Variants in JAK3 observed in about 807,000 individuals in gnomAD.
The protein encoded by JAK3 is Janus kinase 3.
A neutral mutation model predicts 120.8 loss-of-function variants in JAK3; 88 were observed. The observed-to-expected ratio is 0.73, with a 90% CI of 0.61 to 0.87. The LOEUF (loss-of-function observed/expected upper bound fraction) is 0.87, where lower values mean the gene tolerates loss of function less well. Ranked by LOEUF, JAK3 falls within the 40% of genes least tolerant of loss-of-function variation. JAK3 has a pLI of 0.00. For missense variants in JAK3, 1,254 were observed against 1,501.4 expected (o/e 0.84, Z 2.72); for synonymous variants, 592 against 628.6 (o/e 0.94, Z 0.87).
chr19:17,847,637 C>T (rs117462032), intron 1 of JAK3, among the ~76,000 whole-genome samples: 2,731 of 152,186 alleles, frequency 0.018, 35 homozygotes, highest in Non-Finnish European at 0.027. Flanking sequence ...GGGAACTCCG[C>T]CCCCCAATCC....
chr19:17,831,113 A>G lies in JAK3; in HGVS notation c.2978+115T>C, dbSNP rs868787405. ...GTGGGAGGGGCCAAAGCTGCAGCGG[A>G]GGAAGGGCGGGGCTAAGGCTGGGGA... On this transcript the variant is annotated intron_variant, in intron 21 of 23. Coordinates refer to ENST00000458235, the MANE Select transcript of JAK3 (RefSeq NM_000215.4). The surrounding 1 kb of genome is among the most constrained non-coding windows in gnomAD (Gnocchi z 5.1). 1.4e-4 allele frequency: 143 copies of G among 1,053,472 alleles called. 1 individual carries two copies. In the Middle Eastern group the frequency reaches 2.8e-3, roughly 21 times the overall value. The allele number at this position is 1,053,472 out of a possible 1,614,324, so 65.3% of individuals were successfully genotyped here. A position where few individuals can be genotyped will look rare whatever the true frequency, so the allele number is the denominator to read the frequency against.
chr19:17,832,703 G>A lies in JAK3; in HGVS notation c.2496C>T (p.Asn832=). ...LKYISQLGKG[N]FGSVELCRYD... is the part of the protein sequence containing the mutation. ...AGCGGCACAGCTCCACGCTGCCAAA[G>A]TTGCCCTGGGGGATAGCGGGACTGA... The change falls in exon 19 of 24, where the codon AAC becomes AAT. Residue 832 remains asparagine (N), a synonymous_variant. Coordinates refer to ENST00000458235, the MANE Select transcript of JAK3 (RefSeq NM_000215.4). The surrounding 1 kb of genome is among the most constrained non-coding windows in gnomAD (Gnocchi z 4.7). The A allele has an allele frequency of 6.2e-7, 1 of 1,614,236 alleles. No homozygotes were observed. The highest frequency in any genetic ancestry group is 8.5e-7 in the Non-Finnish European group (1 of 1,180,048).
intron 1 of JAK3, among the ~76,000 whole-genome samples, chr19:17,845,204 G>A (rs1028684714): frequency 6.6e-6 from 1 of 152,116 alleles, no homozygotes. Context: ...GTCTCGCGCT[G>A]TCACCCAGGC....
chr19:17,833,384 C>A (rs1044242289), intron 17 of JAK3, among the ~76,000 whole-genome samples: 6 of 152,056 alleles, frequency 3.9e-5, no homozygotes, highest in African/African-American at 1.2e-4. Flanking sequence ...TGAGAGGTTC[C>A]TGTGGGCCTG....
chr19:17,828,337 C>A (rs2094208026), intron 23 of JAK3, among the ~76,000 whole-genome samples: 1 of 152,082 alleles, frequency 6.6e-6, no homozygotes, highest in Non-Finnish European at 1.5e-5. Flanking sequence ...CTCACTGCAG[C>A]CTTAACCTCC....
chr19:17,842,410 A>G lies in JAK3; in HGVS notation c.767T>C (p.Val256Ala). The G allele has an allele frequency of 6.3e-7, 1 of 1,586,184 alleles. No homozygotes were observed. The highest frequency in any genetic ancestry group is 8.6e-7 in the Non-Finnish European group (1 of 1,169,186). Residue 256 changes from valine (V) to alanine (A), a missense_variant, in exon 6 of 24, where the codon GTG (valine) becomes GCG (alanine). Coordinates refer to ENST00000458235, the MANE Select transcript of JAK3 (RefSeq NM_000215.4). The surrounding 1 kb of genome is among the most constrained non-coding windows in gnomAD (Gnocchi z 6.4). ...DPAGAAETFH[V>A]GLPGALGGHD... ...GCCACCAAGGGCCCCAGGGAGGCCC[A>G]CGTGGAAGGTCTCGGCGGCCCCGGC...
rs2094247544 is a variant in JAK3 at position 17,844,443 on chromosome 19, G to A, written c.-13-13C>T. On this transcript the variant is annotated splice_polypyrimidine_tract_variant and intron_variant, in intron 1 of 23. Transcript: ENST00000458235. ...GAGTGCAACTTGCCTGGGGCACAGA[G>A]AGAAAAAGCCCCTCAGTCCTGGTCA... 1.3e-6 allele frequency: 2 copies of A among 1,595,870 alleles called. No homozygotes were observed. The highest frequency in any genetic ancestry group is 1.3e-5 in the African/African-American group (1 of 74,598).
In JAK3 at chr19:17,839,738, C is replaced by CTCTTTTT. The variant is rs538322656; in HGVS notation, c.1255-76_1255-75insAAAAAGA. On this transcript the variant is annotated intron_variant, in intron 9 of 23. Coordinates refer to ENST00000458235, the MANE Select transcript of JAK3 (RefSeq NM_000215.4). The stretch of plus-strand genomic sequence containing the variant: ...TTCTCAGTCCTTCTTCCTTTTTTTT[C>CTCTTTTT]TTTTTTTTTTTTTTTTTTTGGAGAC... 3.9e-5 allele frequency: 31 copies of CTCTTTTT among 796,134 alleles called. No homozygotes were observed. The African/African-American group carries it at 5.2e-4, about 13-fold the overall frequency. 49.3% of individuals were successfully genotyped at this position (796,134 alleles called of 1,614,324 possible).
rs755405656 is a variant in JAK3, at chr19:17,838,003, CCA to C, written c.1628_1629del (p.Val543GlyfsTer118). 1 of 1,614,132 alleles carries C rather than the reference CCA, an allele frequency of 6.2e-7. No homozygotes were observed. Among genetic ancestry groups the C allele is most frequent in the South Asian group, 1.1e-5 (1 of 91,088 alleles). Reference protein sequence around the residue: ...TKIYRGCRHEVVDGEARKTEV... With the variant: ...TKIYRGCRHEXVDGEARKTEV... ...TCTGTCTTTCGGGCCTCCCCATCCA[CCA>C]CCTCATGGCGACAGCCCCGGTAAAT... On this transcript the variant is annotated frameshift_variant, in exon 12 of 24. Coordinates refer to ENST00000458235, the MANE Select transcript of JAK3 (RefSeq NM_000215.4). LOFTEE classifies it high-confidence loss of function.
rs5027445 is a variant in JAK3 at position 17,843,199 on chromosome 19, G to A, written c.421-27C>T. On this transcript the variant is annotated intron_variant, in intron 4 of 23. Transcript: ENST00000458235. The surrounding 1 kb of genome is among the most constrained non-coding windows in gnomAD (Gnocchi z 5.4). The stretch of plus-strand genomic sequence containing the variant: ...TGGGGGGCCGCCACAGGGAGCATCA[G>A]CTGAGGCCACCCAACTTCAAGCCCT... The A allele has an allele frequency of 1.9e-6, 3 of 1,594,812 alleles. No individual in the cohort carries two copies. The highest frequency in any genetic ancestry group is 2.7e-5 in the African/African-American group (2 of 74,620).
chr19:17,826,100 A>AAAG lies in JAK3; in HGVS notation c.*642_*643insCTT, dbSNP rs1292304777. 6.6e-6 allele frequency: 1 copy of AAAG among 150,770 alleles called. No individual in the cohort carries two copies. The highest frequency in any genetic ancestry group is 2.4e-5 in the African/African-American group (1 of 40,936). The allele number at this position is 150,770 out of a possible 1,614,324, so 9.3% of individuals were successfully genotyped here. ...AATAATAATAAATTTAAAAAAAAAA[A>AAAG]AGCCTGGGTGCAGTGGCTCATGCCT... On this transcript the variant is annotated 3_prime_UTR_variant, in exon 24 of 24. Coordinates refer to ENST00000458235, the MANE Select transcript of JAK3 (RefSeq NM_000215.4).
chr19:17,845,228 C>T (rs1008683259), intron 1 of JAK3, among the ~76,000 whole-genome samples: 1 of 151,962 alleles, frequency 6.6e-6, no homozygotes, highest in African/African-American at 2.4e-5. Context: ...AGTGCAGTGG[C>T]GCAATCTCAG....
chr19:17,843,657 G>T lies in JAK3; in HGVS notation c.308+120C>A. The T allele has an allele frequency of 2.2e-6, 3 of 1,388,636 alleles. No homozygotes were observed. Among genetic ancestry groups the T allele is most frequent in the Non-Finnish European group, 3.1e-6 (3 of 976,514 alleles). 86.0% of individuals were successfully genotyped at this position (1,388,636 alleles called of 1,614,324 possible). A position where few individuals can be genotyped will look rare whatever the true frequency, so the allele number is the denominator to read the frequency against. On this transcript the variant is annotated intron_variant, in intron 3 of 23. Transcript: ENST00000458235. This position sits in a 1 kb window ranked among gnomAD's most constrained non-coding sequence, Gnocchi z 5.4. ...GCAAGTGACCCACCCTCTCTGGTCT[G>T]TTTCCTCATCTGAGAAATGGGTAGT...
At chr19:17,838,412 G>C (rs769588900) in intron 10 of JAK3, 22 bp from the exon 11 acceptor site, 5 of 1,614,102 alleles carry the variant, frequency 3.1e-6, no homozygotes, top group Non-Finnish European at 4.2e-6. Flanking sequence ...GGATGAGGGA[G>C]AAAAACCAGA....
At position 17,842,788 on chromosome 19, in the gene JAK3, G is replaced by T; in HGVS notation, c.567-178C>A. On this transcript the variant is annotated intron_variant, in intron 5 of 23. Transcript: ENST00000458235. This position sits in a 1 kb window ranked among gnomAD's most constrained non-coding sequence, Gnocchi z 6.4. ...GGACCGGACCTCAGAGTAGGGGAGGGCCATTGGCGCCCACAGGTCGGACAG... is the reference window on the plus strand; with the variant it reads ...GGACCGGACCTCAGAGTAGGGGAGGTCCATTGGCGCCCACAGGTCGGACAG... The T allele has an allele frequency of 1.2e-6, 1 of 834,262 alleles. No homozygotes were observed. The highest frequency in any genetic ancestry group is 1.9e-6 in the Non-Finnish European group (1 of 540,330). The allele number at this position is 834,262 out of a possible 1,614,324, so 51.7% of individuals were successfully genotyped here.
chr19:17,828,461 C>T (rs1452299511), intron 23 of JAK3, among the ~76,000 whole-genome samples: 3 of 149,624 alleles, frequency 2.0e-5, no homozygotes. Flanking sequence ...CACTATGTTG[C>T]CCAGGCTGGT....
intron 2 of JAK3, 27 bp downstream of exon 2, chr19:17,844,207 G>C (rs762737681): frequency 6.4e-7 from 1 of 1,559,508 alleles, no homozygotes; most frequent in Non-Finnish European, 8.7e-7. Context: ...CCTTCCCTCT[G>C]GCCCGATCCA....
Position 17,842,917 on chromosome 19 carries a change from C to A in JAK3, c.566+110G>T. The A allele has an allele frequency of 6.8e-7, 1 of 1,476,222 alleles. No individual in the cohort carries two copies. Among genetic ancestry groups the A allele is most frequent in the Non-Finnish European group, 9.3e-7 (1 of 1,073,182 alleles). The allele number at this position is 1,476,222 out of a possible 1,614,324, so 91.4% of individuals were successfully genotyped here. The stretch of plus-strand genomic sequence containing the variant: ...TGGGAGGCCCTGGGTCATAGGAACA[C>A]CCTGAAAGCTTGCAGGAGAACTCCA... On this transcript the variant is annotated intron_variant, in intron 5 of 23. Coordinates refer to ENST00000458235, the MANE Select transcript of JAK3 (RefSeq NM_000215.4). This position sits in a 1 kb window ranked among gnomAD's most constrained non-coding sequence, Gnocchi z 6.4.
At chr19:17,847,293 G>T (rs1033494942) in intron 1 of JAK3, among the ~76,000 whole-genome samples, 5 of 152,058 alleles carry the variant, frequency 3.3e-5, no homozygotes, top group Admixed American at 3.3e-4. Context: ...TTGAGGCCAG[G>T]GGTTAGAGAC....
Sources: allele counts gnomAD v4.1 joint callset (sites outside exome capture counted in the v4.1 genomes callset), GRCh38; gene constraint gnomAD v4.1.1; non-coding constraint Gnocchi (gnomAD v3.1); transcripts MANE v1.5; gene names NCBI Gene and HGNC (gene_info 2026-07-23, HGNC 2026-07-21).